KRCC1: variants seen among roughly 807,000 people sequenced by gnomAD.
KRCC1 encodes the protein lysine-rich coiled-coil protein 1.
KRCC1 carries 3 observed loss-of-function variants against 7.4 expected under a neutral mutation model. The observed-to-expected ratio is 0.40, with a 90% CI of 0.18 to 1.04. The LOEUF (loss-of-function observed/expected upper bound fraction) is 1.04. KRCC1 is among the 50% of genes least tolerant of loss of function. The pLI is 0.33. For synonymous variants in KRCC1, 102 were observed against 101.6 expected (o/e 1.00, Z -0.02); for missense variants, 277 against 300.9 (o/e 0.92, Z 0.59).
intron 1 of KRCC1, among the ~76,000 whole-genome samples, chr2:88,048,282 A>G (rs1346519784): frequency 6.6e-6 from 1 of 151,924 alleles, no homozygotes; most frequent in African/African-American, 2.4e-5. Flanking sequence ...GGGTTTCACC[A>G]TGTTGGTCAA....
chr2:88,028,147 G>C lies in KRCC1; in HGVS notation c.417C>G (p.His139Gln). The C allele has an allele frequency of 6.2e-7, 1 of 1,614,112 alleles. No individual in the cohort carries two copies. Among genetic ancestry groups the C allele is most frequent in the African/African-American group, 1.3e-5 (1 of 75,012 alleles). The change falls in exon 4 of 4, where the codon CAC (histidine) becomes CAG (glutamine). Residue 139 changes from histidine to glutamine, a missense_variant. By Grantham distance (24) the His-to-Gln change is conservative (BLOSUM62 0). Coordinates refer to ENST00000347055, the MANE Select transcript of KRCC1 (RefSeq NM_016618.3). ...TACTGGTACTGTTATCTGAGGAGAA[G>C]TGCTTGTAAACTCTATGTTCTACAC... is the stretch of plus-strand genomic sequence containing the variant. ...SHGVEHRVYK[H>Q]FSSDNSTSTH...
intron 1 of KRCC1, among the ~76,000 whole-genome samples, 153 bp downstream of exon 1, chr2:88,055,473 G>T (rs984760612): frequency 6.6e-6 from 1 of 151,954 alleles, no homozygotes; most frequent in Non-Finnish European, 1.5e-5. Flanking sequence ...GCGGCGGCCG[G>T]TGAGGGGTGC....
chr2:88,042,777 A>G (rs184832823), intron 1 of KRCC1, among the ~76,000 whole-genome samples: 21 of 152,286 alleles, frequency 1.4e-4, no homozygotes, highest in Admixed American at 1.3e-3. Context: ...GCTCCCACAC[A>G]TACTTTTTAT....
intron 1 of KRCC1, among the ~76,000 whole-genome samples, chr2:88,041,105 T>C (rs1472641526): frequency 1.3e-5 from 2 of 152,098 alleles, no homozygotes; most frequent in Non-Finnish European, 2.9e-5. Flanking sequence ...TATTGTTAGG[T>C]AGCTGTTGCA....
chr2:88,031,152 C>G (rs1003235151), intron 3 of KRCC1, among the ~76,000 whole-genome samples: 1 of 151,920 alleles, frequency 6.6e-6, no homozygotes, highest in South Asian at 2.1e-4. Flanking sequence ...AGAAGGTATT[C>G]CAGAAGATGG....
Position 88,027,974 on chromosome 2 carries a change from C to T in KRCC1, c.590G>A (p.Arg197Lys). The T allele has an allele frequency of 6.2e-7, 1 of 1,613,428 alleles. No homozygotes were observed. The highest frequency in any genetic ancestry group is 8.5e-7 in the Non-Finnish European group (1 of 1,179,896). Residue 197 changes from arginine to lysine, a missense_variant, in exon 4 of 4, where the codon AGA (arginine) becomes AAA (lysine). Physicochemically the swap from Arg to Lys is conservative, Grantham distance 26. Transcript: ENST00000347055. Reference protein sequence around the residue: ...IDLDKHKSIQRKKTEVEIETV... With the variant: ...IDLDKHKSIQKKKTEVEIETV... ...TTCTATTTCCACCTCTGTTTTCTTT[C>T]TTTGGATGCTCTTGTGTTTGTCTAA...
chr2:88,035,534 C>G (rs1673075261), intron 2 of KRCC1, among the ~76,000 whole-genome samples: 1 of 152,018 alleles, frequency 6.6e-6, no homozygotes, highest in Admixed American at 6.6e-5. Flanking sequence ...TGGAACTGTC[C>G]TAACAGCTTT....
intron 1 of KRCC1, among the ~76,000 whole-genome samples, chr2:88,049,384 C>A (rs377111544): frequency 6.6e-6 from 1 of 152,190 alleles, no homozygotes; most frequent in East Asian, 1.9e-4. Context: ...AAGGGGGAAG[C>A]GTATCAATGC....
chr2:88,054,827 G>A (rs779450611), intron 1 of KRCC1, among the ~76,000 whole-genome samples: 12 of 152,204 alleles, frequency 7.9e-5, no homozygotes, highest in Non-Finnish European at 1.6e-4. Flanking sequence ...AACTCAGCTG[G>A]GCGCGGTAGC....
At chr2:88,036,265 T>C (rs1673088450) in intron 2 of KRCC1, among the ~76,000 whole-genome samples, 1 of 152,194 alleles carries the variant, frequency 6.6e-6, no homozygotes, top group African/African-American at 2.4e-5. Flanking sequence ...AAAGCCATTG[T>C]AATGTAGTAT....
chr2:88,040,404 AAACTTT>A (rs1347415311), intron 1 of KRCC1, among the ~76,000 whole-genome samples: 1 of 152,208 alleles, frequency 6.6e-6, no homozygotes, highest in Non-Finnish European at 1.5e-5. Context: ...GGACTTTATT[AAACTTT>A]ATCACTACTT....
rs745906878 is a variant in KRCC1, at chr2:88,028,535, G to C, written c.29C>G (p.Ser10Cys). Residue 10 changes from serine to cysteine, a missense_variant, in exon 4 of 4, where the codon TCT (serine) becomes TGT (cysteine). Coordinates refer to ENST00000347055, the MANE Select transcript of KRCC1 (RefSeq NM_016618.3). ...ATAATCTTCAAGTTCATCTTGAAAA[G>C]AGTCATATGTCTTCTTTGAATGCTT... MKHSKKTYDSFQDELEDYIK... is the reference protein window; with the variant it reads MKHSKKTYDCFQDELEDYIK... 6.2e-7 allele frequency: 1 copy of C among 1,610,508 alleles called. No individual in the cohort carries two copies. Among genetic ancestry groups the C allele is most frequent in the Admixed American group, 1.7e-5 (1 of 59,684 alleles).
intron 2 of KRCC1, among the ~76,000 whole-genome samples, chr2:88,035,234 C>T (rs1363996406): frequency 6.6e-6 from 1 of 152,128 alleles, no homozygotes; most frequent in Non-Finnish European, 1.5e-5. Context: ...AGTTGCCTTC[C>T]AATACATTTT....
intron 1 of KRCC1, among the ~76,000 whole-genome samples, chr2:88,037,318 G>C (rs1488013536): frequency 6.6e-6 from 1 of 152,130 alleles, no homozygotes; most frequent in African/African-American, 2.4e-5. Flanking sequence ...AATATTGAAA[G>C]CCTGGGCTAA....
chr2:88,028,251 G>A lies in KRCC1; in HGVS notation c.313C>T (p.Gln105Ter), dbSNP rs1672917756. The A allele has an allele frequency of 6.2e-7, 1 of 1,614,066 alleles. No individual in the cohort carries two copies. The highest frequency in any genetic ancestry group is 1.3e-5 in the African/African-American group (1 of 74,930). ...TCTGAGAAACAGTCCCTCGTGAACT[G>A]ACAGTAGCTCAGAGAGTCTAGTCTC... Reference protein sequence around the residue: ...RLRLDSLSYCQFTRDCFSEKP... With the variant: ...RLRLDSLSYC The change falls in exon 4 of 4, where the codon CAG (glutamine) becomes TAG (stop). Residue 105 changes from glutamine to a stop codon, truncating the protein, a stop_gained. Transcript: ENST00000347055. LOFTEE classifies it low-confidence loss of function (END_TRUNC).
chr2:88,038,889 T>C (rs1673147533), intron 1 of KRCC1, among the ~76,000 whole-genome samples: 1 of 152,192 alleles, frequency 6.6e-6, no homozygotes, highest in South Asian at 2.1e-4. Context: ...GTGGAGATTA[T>C]GGGGATTACA....
intron 1 of KRCC1, among the ~76,000 whole-genome samples, chr2:88,053,626 T>C (rs1312652581): frequency 6.6e-6 from 1 of 152,230 alleles, no homozygotes; most frequent in East Asian, 1.9e-4. Flanking sequence ...AGTCTCATCA[T>C]TTGGTTGCAA....
At chr2:88,032,839 G>T (rs1558831074) in intron 3 of KRCC1, among the ~76,000 whole-genome samples, 1 of 152,162 alleles carries the variant, frequency 6.6e-6, no homozygotes, top group Admixed American at 6.5e-5. Flanking sequence ...AGTGGCTCAT[G>T]CCTGTAATCC....
At chr2:88,051,233 A>G (rs929013911) in intron 1 of KRCC1, among the ~76,000 whole-genome samples, 1 of 152,106 alleles carries the variant, frequency 6.6e-6, no homozygotes, top group Admixed American at 6.6e-5. Context: ...ACCTTTGCCA[A>G]TTTTTAATCC....
Sources: gnomAD v4.1 joint callset for allele counts (sites outside exome capture counted in the v4.1 genomes callset) on GRCh38, gnomAD v4.1.1 for gene constraint, MANE v1.5 for transcripts, NCBI Gene and HGNC (gene_info 2026-07-23, HGNC 2026-07-21) for gene names.